Variants in NRG1 observed in about 807,000 individuals in gnomAD.
NRG1 encodes the protein pro-neuregulin-1, membrane-bound isoform.
In NRG1, 18 loss-of-function variants were observed where a neutral mutation model predicts 63.8. The observed-to-expected ratio is 0.28, with a 90% CI of 0.19 to 0.42. NRG1 has a LOEUF of 0.42. NRG1 is among the 10% of genes least tolerant of loss of function. The pLI, the probability that NRG1 is intolerant of heterozygous loss-of-function variation, is 1.00. For missense variants in NRG1, 762 were observed against 814.7 expected (o/e 0.94, Z 0.79); for synonymous variants, 302 against 301.3 (o/e 1.00, Z -0.02).
Position 32,540,171 on chromosome 8 carries a change from G to C in NRG1, c.38-55657G>C, listed in dbSNP as rs558911501. 3.3e-5 allele frequency among the ~76,000 whole-genome samples: 5 copies of C among 152,180 alleles called. No homozygotes were observed. In the East Asian group the frequency reaches 9.6e-4, roughly 29 times the overall value. On this transcript the variant is annotated intron_variant, in intron 1 of 10. Transcript: ENST00000519301. ...CCCAGCAGTAGAGATTGGCAGGGCA[G>C]GTAAACCGGCAGGATAAAGGAAGGA...
chr8:32,222,560 G>T (rs763969372), intron 1 of NRG1, among the ~76,000 whole-genome samples: 2 of 152,154 alleles, frequency 1.3e-5, no homozygotes, highest in Non-Finnish European at 2.9e-5. Flanking sequence ...ATCTCCCCCA[G>T]TTACACCCAG....
intron 1 of NRG1, among the ~76,000 whole-genome samples, chr8:32,228,502 G>A (rs1380245294): frequency 6.6e-6 from 1 of 151,950 alleles, no homozygotes; most frequent in Non-Finnish European, 1.5e-5. Flanking sequence ...ACCCACTTGT[G>A]ATATGATTCT....
In NRG1 at chr8:32,600,045, T is replaced by C. The variant is rs571769619; in HGVS notation, c.278+4040T>C. ...ATATAATGAAATCTCAATGTTCTTATGTAGAAAATGAGAATCCTCAGTGGC... is the reference window on the plus strand; with the variant it reads ...ATATAATGAAATCTCAATGTTCTTACGTAGAAAATGAGAATCCTCAGTGGC... On this transcript the variant is annotated intron_variant, in intron 2 of 11. Coordinates refer to ENST00000356819, the Ensembl canonical transcript of NRG1. Among the ~76,000 whole-genome samples, 6 of 152,280 alleles carry C rather than the reference T, an allele frequency of 3.9e-5. No homozygotes were observed. In the South Asian group the frequency reaches 1.0e-3, roughly 26 times the overall value.
intron 1 of NRG1, among the ~76,000 whole-genome samples, chr8:32,106,029 A>G (rs1253583754): frequency 1.3e-5 from 2 of 152,122 alleles, no homozygotes; most frequent in African/African-American, 2.4e-5. Flanking sequence ...TGACTTGACT[A>G]CTCTCTTAGG....
chr8:32,711,105 G>T (rs538499307), intron 5 of NRG1, among the ~76,000 whole-genome samples: 2 of 152,124 alleles, frequency 1.3e-5, no homozygotes, highest in Admixed American at 6.6e-5. Flanking sequence ...AATGAAAGAG[G>T]CGTCATCGGG....
intron 1 of NRG1, among the ~76,000 whole-genome samples, chr8:32,177,594 C>T (rs1195770899): frequency 6.6e-6 from 1 of 151,898 alleles, no homozygotes; most frequent in East Asian, 2.0e-4. Context: ...CTCGCTGTGT[C>T]CATGTGTTCT....
chr8:32,216,980 A>C (rs1845296650), intron 1 of NRG1, among the ~76,000 whole-genome samples: 1 of 152,016 alleles, frequency 6.6e-6, no homozygotes, highest in African/African-American at 2.4e-5. Flanking sequence ...TGGGAGACCA[A>C]GGCGGGAGGA....
chr8:31,784,341 C>T (rs2131628027), intron 1 of NRG1, among the ~76,000 whole-genome samples: 1 of 152,322 alleles, frequency 6.6e-6, no homozygotes, highest in South Asian at 2.1e-4. Flanking sequence ...AGAGCTTCTG[C>T]ATTCCCATTT....
chr8:32,449,301 A>G (rs1174127027), intron 1 of NRG1, among the ~76,000 whole-genome samples: 1 of 151,458 alleles, frequency 6.6e-6, no homozygotes, highest in Admixed American at 6.6e-5. Flanking sequence ...TGTCTCAAAT[A>G]ATAATAATAA....
intron 5 of NRG1, among the ~76,000 whole-genome samples, chr8:32,622,547 C>T (rs1013412143): frequency 2.0e-5 from 3 of 152,126 alleles, no homozygotes; most frequent in African/African-American, 4.8e-5. Flanking sequence ...GGACTACATG[C>T]GTGTGCCACC....
At chr8:32,640,271 ACACG>A (rs1177018196) in intron 5 of NRG1, among the ~76,000 whole-genome samples, 4 of 151,328 alleles carry the variant, frequency 2.6e-5, no homozygotes, top group South Asian at 4.2e-4. Context: ...ACACACACAC[ACACG>A]CACGCACACA....
At chr8:32,677,673 A>C (rs1001297078) in intron 5 of NRG1, among the ~76,000 whole-genome samples, 2 of 152,124 alleles carry the variant, frequency 1.3e-5, no homozygotes, top group South Asian at 4.1e-4. Flanking sequence ...AAAGAAAAAA[A>C]TTATTCAATC....
intron 1 of NRG1, among the ~76,000 whole-genome samples, chr8:31,763,256 A>T (rs1161616861): frequency 6.6e-6 from 1 of 152,238 alleles, no homozygotes; most frequent in African/African-American, 2.4e-5. Context: ...GTGGAATTTG[A>T]TCTTACTTGC....
intron 1 of NRG1, among the ~76,000 whole-genome samples, chr8:31,803,329 A>G (rs1422006251): frequency 6.6e-6 from 1 of 152,194 alleles, no homozygotes; most frequent in Non-Finnish European, 1.5e-5. Context: ...TGGGGCTGGG[A>G]AAATGGAGGG....
chr8:32,476,104 A>C (rs961469462), intron 1 of NRG1, among the ~76,000 whole-genome samples: 1 of 152,240 alleles, frequency 6.6e-6, no homozygotes, highest in African/African-American at 2.4e-5. Flanking sequence ...ACACAGATAC[A>C]TAAGGTAAAT....
At chr8:32,251,763 T>G (rs989671865) in intron 1 of NRG1, among the ~76,000 whole-genome samples, 1 of 152,226 alleles carries the variant, frequency 6.6e-6, no homozygotes, top group Admixed American at 6.5e-5. Flanking sequence ...CGTGAGATGG[T>G]ATCTCATTGT....
At chr8:31,882,329 TAAAAAA>T (rs745615085) in intron 1 of NRG1, among the ~76,000 whole-genome samples, 1 of 79,830 alleles carries the variant, frequency 1.3e-5, no homozygotes. Context: ...GCTCAAAAAC[TAAAAAA>T]AAAAAAAAAA....
chr8:32,157,956 T>G (rs888216154), intron 1 of NRG1, among the ~76,000 whole-genome samples: 1 of 152,144 alleles, frequency 6.6e-6, no homozygotes, highest in Non-Finnish European at 1.5e-5. Flanking sequence ...AGCTCTTCCT[T>G]ATACACTTTC....
chr8:32,658,987 A>G (rs1403266270), intron 5 of NRG1, among the ~76,000 whole-genome samples: 2 of 152,200 alleles, frequency 1.3e-5, no homozygotes, highest in East Asian at 1.9e-4. Flanking sequence ...GAGGTGAATG[A>G]CAAATGAAGA....
Sources: allele counts gnomAD v4.1 joint callset (sites outside exome capture counted in the v4.1 genomes callset), GRCh38; gene constraint gnomAD v4.1.1; transcripts MANE v1.5; gene names NCBI Gene and HGNC (gene_info 2026-07-23, HGNC 2026-07-21).